The following SLC11A2 variants were observed in gnomAD, a reference collection of about 807,000 sequenced individuals.
The protein encoded by SLC11A2 is natural resistance-associated macrophage protein 2.
A neutral mutation model predicts 68.0 loss-of-function variants in SLC11A2; 38 were observed. The observed-to-expected ratio is 0.56, with a 90% confidence interval of 0.43 to 0.73. SLC11A2 has a LOEUF of 0.73. Among genes scored for constraint, SLC11A2 ranks in the 30% least tolerant of loss-of-function variants. The probability of loss-of-function intolerance (pLI) is 0.00; values close to 1 mark genes in which losing one functional copy is unlikely to be tolerated. For missense variants in SLC11A2, 517 were observed against 690.5 expected, an observed-to-expected ratio of 0.75 and a Z score of 2.82; for synonymous variants, 242 against 250.6, an observed-to-expected ratio of 0.97 and a Z score of 0.32.
intron 11 of SLC11A2, 77 bp downstream of exon 11, chr12:50,994,467 G>A: frequency 4.5e-6 from 4 of 895,376 alleles, no homozygotes; most frequent in South Asian, 3.9e-5. Flanking sequence ...TATCTGAAGT[G>A]AAGTCACAAA....
At chr12:51,013,915 G>C (rs755457257) in intron 1 of SLC11A2, among the ~76,000 whole-genome samples, 2 of 151,742 alleles carry the variant, frequency 1.3e-5, no homozygotes, top group Non-Finnish European at 2.9e-5. Context: ...TCCGCCTCCC[G>C]GGTTCAAGCG....
At chr12:50,954,058 C>G in the SLC11A2 span, 1 of 1,612,962 alleles carries the variant, frequency 6.2e-7, no homozygotes, top group Non-Finnish European at 8.5e-7. Flanking sequence ...CCCGACTAAT[C>G]AGGAAATCTA....
At chr12:50,977,893 ATG>A (rs1011938806), downstream of SLC11A2, among the ~76,000 whole-genome samples, 1 of 152,242 alleles carries the variant, frequency 6.6e-6, no homozygotes, top group Non-Finnish European at 1.5e-5. Context: ...ACATGAAAAA[ATG>A]CTCATCATCA....
chr12:50,985,211 G>C (rs1940428271), downstream of SLC11A2, among the ~76,000 whole-genome samples: 1 of 152,196 alleles, frequency 6.6e-6, no homozygotes, highest in African/African-American at 2.4e-5. Context: ...TGAAGGAGCA[G>C]AAGGTATTCC....
chr12:50,954,129 A>G, the SLC11A2 span: 3 of 1,231,452 alleles, frequency 2.4e-6, no homozygotes, highest in Non-Finnish European at 3.6e-6. Context: ...GAAAACTGTA[A>G]TAACACAATG....
rs1592344306 is a variant in SLC11A2 at position 50,996,933 on chromosome 12, C to T, written c.715G>A (p.Gly239Ser). Residue 239 changes from glycine to serine, a missense_variant, in exon 9 of 16, where the codon GGC becomes AGC. Coordinates refer to ENST00000262052, the MANE Select transcript of SLC11A2 (RefSeq NM_000617.3). Reference sequence around the variant, plus strand: ...CCTGAACAGGATGGTACGAACATGCCCTTGAGTACCTGGCTCTGGCTGGGT... The same window carrying T: ...CCTGAACAGGATGGTACGAACATGCTCTTGAGTACCTGGCTCTGGCTGGGT... ...VKPSQSQVLK[G>S]MFVPSCSGCR... 1 of 1,614,032 alleles carries T rather than the reference C, an allele frequency of 6.2e-7. No individual in the cohort carries two copies. Among genetic ancestry groups the T allele is most frequent in the Non-Finnish European group, 8.5e-7 (1 of 1,179,960 alleles).
chr12:50,965,467 T>C, the SLC11A2 span, among the ~76,000 whole-genome samples: 284 of 152,206 alleles, frequency 1.9e-3, 1 homozygote, highest in Non-Finnish European at 3.3e-3. Context: ...CCTACTATAA[T>C]AGCCCTTACT....
At position 51,010,772 on chromosome 12, in the gene SLC11A2, A is replaced by G. The variant is rs888280170; in HGVS notation, c.-38-6T>C. The G allele has an allele frequency of 1.0e-5, 16 of 1,570,128 alleles. No homozygotes were observed. Among genetic ancestry groups the G allele is most frequent in the Non-Finnish European group, 4.4e-6 (5 of 1,144,712 alleles). On this transcript the variant is annotated splice_polypyrimidine_tract_variant and splice_region_variant and intron_variant, in intron 1 of 15. Coordinates refer to ENST00000262052, the MANE Select transcript of SLC11A2 (RefSeq NM_000617.3). ...TGAGTTCTTAGAATATGATTCTGGA[A>G]AGGAGAAAAGTGAGGGAGAAGAATT...
At chr12:50,982,856 A>G (rs768569115), downstream of SLC11A2, among the ~76,000 whole-genome samples, 1 of 150,628 alleles carries the variant, frequency 6.6e-6, no homozygotes, top group Non-Finnish European at 1.5e-5. Flanking sequence ...CAGGAGAAAC[A>G]CTTGAATCCA....
chr12:50,974,253 C>T, the SLC11A2 span, among the ~76,000 whole-genome samples: 1 of 152,158 alleles, frequency 6.6e-6, no homozygotes, highest in Non-Finnish European at 1.5e-5. Context: ...GGTCGGGTTA[C>T]CCACAAAGGG....
At chr12:50,958,832 C>T in the SLC11A2 span, among the ~76,000 whole-genome samples, 1 of 151,454 alleles carries the variant, frequency 6.6e-6, no homozygotes, top group Non-Finnish European at 1.5e-5. Context: ...GCCTGGCCAA[C>T]ATAGCGAGAC....
the SLC11A2 span, among the ~76,000 whole-genome samples, chr12:50,953,165 G>T: frequency 1.3e-5 from 2 of 152,146 alleles, no homozygotes; most frequent in Non-Finnish European, 2.9e-5. Flanking sequence ...ATTGCACATC[G>T]TGTCCTGGCC....
intron 11 of SLC11A2, 110 bp from the exon 12 acceptor site, chr12:50,993,039 C>T (rs1941328733): frequency 2.3e-6 from 3 of 1,302,228 alleles, no homozygotes; most frequent in Non-Finnish European, 3.3e-6. Context: ...GCACCACCAA[C>T]ACCAAGTGCT....
intron 1 of SLC11A2, among the ~76,000 whole-genome samples, chr12:51,012,847 A>G (rs1167215415): frequency 6.6e-6 from 1 of 152,282 alleles, no homozygotes; most frequent in African/African-American, 2.4e-5. Context: ...ACAGCCCCCA[A>G]TAATACTGAC....
Position 51,005,447 on chromosome 12 carries a change from G to C in SLC11A2, c.184-11C>G, listed in dbSNP as rs757149627. On this transcript the variant is annotated splice_polypyrimidine_tract_variant and intron_variant, in intron 3 of 15. Coordinates refer to ENST00000262052, the MANE Select transcript of SLC11A2 (RefSeq NM_000617.3). ...GCTAAAACAAGAGTACTGTACAAGA[G>C]AGGAAAAGAGATTAAACTGAACATC... The C allele has an allele frequency of 2.7e-5, 44 of 1,613,186 alleles. No homozygotes were observed. The highest frequency in any genetic ancestry group is 3.6e-5 in the Non-Finnish European group (42 of 1,179,542).
At position 50,992,219 on chromosome 12, in the gene SLC11A2, C is replaced by T; in HGVS notation, c.1318G>A (p.Asp440Asn). 1 of 1,614,012 alleles carries T rather than the reference C, an allele frequency of 6.2e-7. No individual in the cohort carries two copies. Among genetic ancestry groups the T allele is most frequent in the Non-Finnish European group, 8.5e-7 (1 of 1,179,932 alleles). Reference protein sequence around the residue: ...QDVEHLTGMNDFLNVLQSLQL... With the variant: ...QDVEHLTGMNNFLNVLQSLQL... ...AAGCTCTGTAGAACATTCAGAAAGTCATTCATCCCTGTTAGATGCTCTACA... is the reference window on the plus strand; with the variant it reads ...AAGCTCTGTAGAACATTCAGAAAGTTATTCATCCCTGTTAGATGCTCTACA... Residue 440 changes from aspartate to asparagine, a missense_variant, in exon 13 of 16, where the codon GAC (aspartate) becomes AAC (asparagine). Transcript: ENST00000262052.
Position 50,988,063 on chromosome 12 carries a change from T to C in SLC11A2, c.*262A>G. 2 of 1,414,646 alleles carry C rather than the reference T, an allele frequency of 1.4e-6. No individual in the cohort carries two copies. The highest frequency in any genetic ancestry group is 1.9e-6 in the Non-Finnish European group (2 of 1,071,266). The allele number at this position is 1,414,646 out of a possible 1,614,324, so 87.6% of individuals were successfully genotyped here. A position where few individuals can be genotyped will look rare whatever the true frequency, so the allele number is the denominator to read the frequency against. On this transcript the variant is annotated 3_prime_UTR_variant, in exon 16 of 16. Coordinates refer to ENST00000262052, the MANE Select transcript of SLC11A2 (RefSeq NM_000617.3). ...TAAACTGAGCTGGCCCTTGGGCAAC[T>C]ACTTAAGAATTTAGTGTTGGAATGA...
chr12:50,955,458 A>G, the SLC11A2 span, among the ~76,000 whole-genome samples: 3 of 152,326 alleles, frequency 2.0e-5, no homozygotes, highest in African/African-American at 2.4e-5. Flanking sequence ...CCATGGATGT[A>G]TACTGCAGCC....
At chr12:51,018,256 G>T (rs184181573) in intron 1 of SLC11A2, among the ~76,000 whole-genome samples, 1 of 152,010 alleles carries the variant, frequency 6.6e-6, no homozygotes, top group Non-Finnish European at 1.5e-5. Flanking sequence ...TTAGCCGGGC[G>T]TGGTTGTGGG....
Sources: gnomAD v4.1 joint callset for allele counts (sites outside exome capture counted in the v4.1 genomes callset) on GRCh38, gnomAD v4.1.1 for gene constraint, MANE v1.5 for transcripts, NCBI Gene and HGNC (gene_info 2026-07-23, HGNC 2026-07-21) for gene names.